The following UBE2R2 variants were observed in gnomAD, a reference collection of about 807,000 sequenced individuals.
The protein encoded by UBE2R2 is ubiquitin-conjugating enzyme E2 R2.
A neutral mutation model predicts 27.8 loss-of-function variants in UBE2R2; 1 was observed. The observed-to-expected ratio is 0.04, with a 90% confidence interval of 0.01 to 0.17. The LOEUF is 0.17. Ranked by LOEUF, UBE2R2 falls within the 10% of genes least tolerant of loss-of-function variation. The pLI, the probability that UBE2R2 is intolerant of heterozygous loss-of-function variation, is 1.00. For missense variants in UBE2R2, 100 were observed against 291.0 expected (o/e 0.34, Z 4.78); for synonymous variants, 106 against 113.3 (o/e 0.94, Z 0.41).
chr9:33,916,924 G>A (rs1166352057), intron 4 of UBE2R2, 94 bp from the exon 5 acceptor site: 51 of 1,510,942 alleles, frequency 3.4e-5, no homozygotes, highest in Non-Finnish European at 4.5e-5. Context: ...TTGGAGAGCT[G>A]AGTCATAAGT....
chr9:33,854,799 G>A (rs1476364442), intron 1 of UBE2R2, among the ~76,000 whole-genome samples: 1 of 150,832 alleles, frequency 6.6e-6, no homozygotes, highest in Admixed American at 6.6e-5. Flanking sequence ...GCCCACTGCA[G>A]CTTTGACCTC....
chr9:33,906,294 G>A (rs1822355393), intron 3 of UBE2R2, among the ~76,000 whole-genome samples: 1 of 152,100 alleles, frequency 6.6e-6, no homozygotes, highest in Non-Finnish European at 1.5e-5. Context: ...AGCTGATTTT[G>A]TATTTTTAGT....
intron 1 of UBE2R2, among the ~76,000 whole-genome samples, chr9:33,874,674 T>C (rs7858687): frequency 6.6e-6 from 1 of 151,656 alleles, no homozygotes; most frequent in Non-Finnish European, 1.5e-5. Context: ...TAGTTTTTTG[T>C]TTGTTTGTTT....
At chr9:33,888,572 C>G (rs2250089) in intron 2 of UBE2R2, among the ~76,000 whole-genome samples, 4,700 of 152,168 alleles carry the variant, frequency 0.031, 155 homozygotes, top group East Asian at 0.09. Context: ...GGCTGGAGTG[C>G]AGTGGTGCGA....
At chr9:33,908,132 G>A (rs960026163) in intron 3 of UBE2R2, among the ~76,000 whole-genome samples, 1 of 152,138 alleles carries the variant, frequency 6.6e-6, no homozygotes, top group African/African-American at 2.4e-5. Context: ...GCCTGAAATA[G>A]TTCTTAAATT....
chr9:33,902,395 G>A (rs1037552962), intron 3 of UBE2R2, among the ~76,000 whole-genome samples: 1 of 152,120 alleles, frequency 6.6e-6, no homozygotes, highest in Non-Finnish European at 1.5e-5. Flanking sequence ...TCAGTAGGTT[G>A]TTGATAGAAT....
intron 1 of UBE2R2, among the ~76,000 whole-genome samples, chr9:33,867,661 G>A (rs1292681343): frequency 1.3e-5 from 2 of 152,082 alleles, no homozygotes; most frequent in Non-Finnish European, 2.9e-5. Flanking sequence ...TTATTTACTG[G>A]CATTTAGATA....
intron 2 of UBE2R2, 136 bp from the exon 3 acceptor site, chr9:33,900,038 T>C (rs1354513255): frequency 1.8e-6 from 1 of 565,740 alleles, no homozygotes; most frequent in Non-Finnish European, 3.2e-6. Flanking sequence ...TCTTTGATGT[T>C]GAACATAAAA....
At chr9:33,866,081 C>T (rs1031992717) in intron 1 of UBE2R2, among the ~76,000 whole-genome samples, 1 of 151,968 alleles carries the variant, frequency 6.6e-6, no homozygotes, top group South Asian at 2.1e-4. Context: ...ATCCACCCAC[C>T]TCAGCCTCCC....
chr9:33,860,936 G>GT (rs556082951), intron 1 of UBE2R2, among the ~76,000 whole-genome samples: 22 of 109,794 alleles, frequency 2.0e-4, no homozygotes, highest in South Asian at 8.9e-4. Flanking sequence ...CCTGTGTTAA[G>GT]TTTTTTTTTG....
intron 3 of UBE2R2, among the ~76,000 whole-genome samples, chr9:33,901,917 T>C (rs896023176): frequency 1.3e-5 from 2 of 150,892 alleles, no homozygotes; most frequent in African/African-American, 2.4e-5. Context: ...TATTTCTTTT[T>C]TTTTTTTTTT....
In UBE2R2 at chr9:33,828,793, G is replaced by A. The variant is rs1021521928; in HGVS notation, c.177+10859G>A. Among the ~76,000 whole-genome samples, 5 of 151,692 alleles carry A rather than the reference G, an allele frequency of 3.3e-5. No individual in the cohort carries two copies. The East Asian group carries it at 9.7e-4, about 29-fold the overall frequency. ...TTGTTGCCCTGGCTAGAGTGCGATG[G>A]CATGATTTTGGCTCACTGCAGCCTC... On this transcript the variant is annotated intron_variant, in intron 1 of 4. Transcript: ENST00000263228.
At chr9:33,833,490 G>A (rs910118636) in intron 1 of UBE2R2, among the ~76,000 whole-genome samples, 4 of 152,152 alleles carry the variant, frequency 2.6e-5, no homozygotes, top group African/African-American at 7.2e-5. Context: ...CACTGTGCCC[G>A]GCTGATATGG....
At chr9:33,883,149 T>C (rs1821768442) in intron 1 of UBE2R2, among the ~76,000 whole-genome samples, 1 of 152,172 alleles carries the variant, frequency 6.6e-6, no homozygotes, top group Non-Finnish European at 1.5e-5. Context: ...GTTCCTTGTG[T>C]TTTTGGTGTC....
intron 1 of UBE2R2, chr9:33,818,537 A>G (rs1825887077): frequency 7.0e-6 from 1 of 142,042 alleles, no homozygotes; most frequent in Non-Finnish European, 1.6e-5. Flanking sequence ...GGTAAAAAAA[A>G]AAAAAAAAAA....
chr9:33,847,168 G>A (rs188774460), intron 1 of UBE2R2, among the ~76,000 whole-genome samples: 102 of 152,000 alleles, frequency 6.7e-4, no homozygotes, highest in Non-Finnish European at 1.2e-3. Flanking sequence ...CATGATCTTG[G>A]CTCACTGCAA....
At chr9:33,909,101 T>C (rs1463681842) in intron 3 of UBE2R2, among the ~76,000 whole-genome samples, 2 of 152,198 alleles carry the variant, frequency 1.3e-5, no homozygotes, top group African/African-American at 2.4e-5. Flanking sequence ...TAGTGGTTAC[T>C]GTATTGCACA....
At chr9:33,884,419 G>A (rs1278381730) in intron 1 of UBE2R2, among the ~76,000 whole-genome samples, 1 of 150,936 alleles carries the variant, frequency 6.6e-6, no homozygotes, top group Non-Finnish European at 1.5e-5. Flanking sequence ...ATGTAGCTGG[G>A]ACCACAGACA....
At chr9:33,869,954 C>T (rs1195970325) in intron 1 of UBE2R2, among the ~76,000 whole-genome samples, 1 of 151,962 alleles carries the variant, frequency 6.6e-6, no homozygotes, top group Non-Finnish European at 1.5e-5. Flanking sequence ...TCAAGCGATT[C>T]TCCTGCCTCA....
Sources: allele counts gnomAD v4.1 joint callset (sites outside exome capture counted in the v4.1 genomes callset), GRCh38; gene constraint gnomAD v4.1.1; transcripts MANE v1.5; gene names NCBI Gene and HGNC (gene_info 2026-07-23, HGNC 2026-07-21).